Variants in SMAP1 observed in about 807,000 individuals in gnomAD.
SMAP1 encodes the protein stromal membrane-associated protein 1.
A neutral mutation model predicts 58.5 loss-of-function variants in SMAP1; 24 were observed. That is an observed-to-expected ratio of 0.41 (90% CI 0.30 to 0.58). The LOEUF is 0.58. SMAP1 is among the 20% of genes least tolerant of loss of function. The probability of loss-of-function intolerance (pLI) is 0.29; values close to 1 mark genes in which losing one functional copy is unlikely to be tolerated. For missense variants in SMAP1, 563 were observed against 566.3 expected (o/e 0.99, Z 0.06); for synonymous variants, 216 against 196.6 (o/e 1.10, Z -0.82).
intron 7 of SMAP1, among the ~76,000 whole-genome samples, chr6:70,844,750 A>G (rs1393310543): frequency 6.6e-6 from 1 of 152,252 alleles, no homozygotes; most frequent in African/African-American, 2.4e-5. Context: ...TACTAAAATA[A>G]GACATGTGAG....
intron 3 of SMAP1, among the ~76,000 whole-genome samples, chr6:70,756,272 C>G (rs967256367): frequency 2.0e-5 from 3 of 151,976 alleles, no homozygotes; most frequent in Non-Finnish European, 4.4e-5. Context: ...TATAGTAAAA[C>G]AATTTGTGTG....
At chr6:70,770,595 T>C (rs1472912401) in intron 3 of SMAP1, among the ~76,000 whole-genome samples, 3 of 152,228 alleles carry the variant, frequency 2.0e-5, no homozygotes, top group Non-Finnish European at 4.4e-5. Context: ...GGCTTTCAGC[T>C]CCATGAACTC....
chr6:70,705,062 G>A (rs1202861818), intron 1 of SMAP1, among the ~76,000 whole-genome samples: 2 of 152,040 alleles, frequency 1.3e-5, no homozygotes, highest in Admixed American at 1.3e-4. Context: ...GAAAGTTCTT[G>A]GCATATAGTA....
intron 1 of SMAP1, among the ~76,000 whole-genome samples, chr6:70,724,227 A>T (rs1768663917): frequency 6.7e-6 from 1 of 149,370 alleles, no homozygotes. Flanking sequence ...ATGGAATTTC[A>T]ATCATGTCAC....
chr6:70,734,058 T>C (rs1040341366), intron 2 of SMAP1, among the ~76,000 whole-genome samples: 9 of 152,318 alleles, frequency 5.9e-5, no homozygotes, highest in African/African-American at 1.7e-4. Context: ...ATAATAATAT[T>C]TGAAATTGTA....
intron 1 of SMAP1, among the ~76,000 whole-genome samples, chr6:70,708,843 TA>T (rs1240439155): frequency 2.6e-5 from 4 of 152,164 alleles, no homozygotes; most frequent in South Asian, 2.1e-4. Flanking sequence ...TAGTAAGTTT[TA>T]AAAAAAATTT....
intron 6 of SMAP1, among the ~76,000 whole-genome samples, chr6:70,809,682 C>T (rs1023177126): frequency 1.3e-5 from 2 of 152,062 alleles, no homozygotes; most frequent in African/African-American, 4.8e-5. Flanking sequence ...AAGATATTTT[C>T]AATAAATAAT....
At chr6:70,745,112 G>A (rs534278508) in intron 2 of SMAP1, among the ~76,000 whole-genome samples, 41 of 151,968 alleles carry the variant, frequency 2.7e-4, no homozygotes, top group Non-Finnish European at 4.9e-4. Context: ...ATTTTCTCCC[G>A]TTCTGTAGGT....
At chr6:70,788,878 C>G in intron 4 of SMAP1, among the ~76,000 whole-genome samples, 1 of 152,136 alleles carries the variant, frequency 6.6e-6, no homozygotes, top group East Asian at 1.9e-4. Context: ...TCGAGAATGA[C>G]ATGGTATGGA....
intron 6 of SMAP1, among the ~76,000 whole-genome samples, chr6:70,829,505 A>G (rs1387266893): frequency 6.7e-6 from 1 of 150,228 alleles, no homozygotes; most frequent in Non-Finnish European, 1.5e-5. Context: ...CTAATTTTTG[A>G]TAGATAGAAA....
intron 2 of SMAP1, among the ~76,000 whole-genome samples, chr6:70,751,367 C>A (rs753050383): frequency 6.6e-5 from 10 of 152,132 alleles, no homozygotes; most frequent in Non-Finnish European, 1.3e-4. Flanking sequence ...TCAATAGATT[C>A]TTACAATCAT....
rs550995111 is a variant in SMAP1 at position 70,787,036 on chromosome 6, C to T, written c.415-4653C>T. ...AACAAAGCTGGAGGCATCACGCTAC[C>T]TGACTTCAAACTATACTACAAGGCT... On this transcript the variant is annotated intron_variant, in intron 4 of 10. Coordinates refer to ENST00000370455, the MANE Select transcript of SMAP1 (RefSeq NM_001044305.3). 3.9e-5 allele frequency among the ~76,000 whole-genome samples: 6 copies of T among 152,286 alleles called. No individual in the cohort carries two copies. The East Asian group carries it at 1.2e-3, about 29-fold the overall frequency.
intron 1 of SMAP1, among the ~76,000 whole-genome samples, chr6:70,670,673 A>G (rs960722988): frequency 1.3e-5 from 2 of 152,224 alleles, no homozygotes; most frequent in African/African-American, 4.8e-5. Context: ...ATTGCATCAA[A>G]CTTTTCATGT....
intron 1 of SMAP1, among the ~76,000 whole-genome samples, chr6:70,676,641 T>C (rs1423559248): frequency 6.6e-6 from 1 of 152,244 alleles, no homozygotes; most frequent in Non-Finnish European, 1.5e-5. Flanking sequence ...TCTCAGATTA[T>C]TGCCAAATGT....
chr6:70,819,928 G>C (rs1270007987), intron 6 of SMAP1, among the ~76,000 whole-genome samples: 1 of 152,160 alleles, frequency 6.6e-6, no homozygotes, highest in South Asian at 2.1e-4. Flanking sequence ...CTATTACTAT[G>C]TGAGATTCTA....
At chr6:70,680,409 T>A (rs1454700737) in intron 1 of SMAP1, among the ~76,000 whole-genome samples, 1 of 152,162 alleles carries the variant, frequency 6.6e-6, no homozygotes, top group Non-Finnish European at 1.5e-5. Context: ...GGAAAAATAT[T>A]TTATCTGGTA....
chr6:70,668,650 C>T (rs1239287614), intron 1 of SMAP1: 1 of 1,535,786 alleles, frequency 6.5e-7, no homozygotes, highest in Non-Finnish European at 8.7e-7. Flanking sequence ...CCTGCCTGCC[C>T]ACCTGACAGC....
At chr6:70,754,735 A>C (rs930823941) in intron 2 of SMAP1, among the ~76,000 whole-genome samples, 1 of 152,102 alleles carries the variant, frequency 6.6e-6, no homozygotes, top group Non-Finnish European at 1.5e-5. Context: ...TTTCACAAAA[A>C]AAGACATTTA....
intron 6 of SMAP1, among the ~76,000 whole-genome samples, chr6:70,807,183 G>A (rs1769170705): frequency 6.6e-6 from 1 of 152,144 alleles, no homozygotes; most frequent in Admixed American, 6.6e-5. Flanking sequence ...TTTTCCTTGA[G>A]CAGTCTACTA....
Sources: gnomAD v4.1 joint callset for allele counts (sites outside exome capture counted in the v4.1 genomes callset) on GRCh38, gnomAD v4.1.1 for gene constraint, MANE v1.5 for transcripts, NCBI Gene and HGNC (gene_info 2026-07-23, HGNC 2026-07-21) for gene names.